BRMS1L: variants seen among roughly 807,000 people sequenced by gnomAD.
BRMS1L encodes BRMS1 like transcriptional repressor.
In BRMS1L, 23 loss-of-function variants were observed where a neutral mutation model predicts 50.3. That is an observed-to-expected ratio of 0.46 (90% CI 0.33 to 0.65). The LOEUF (loss-of-function observed/expected upper bound fraction) is 0.65. BRMS1L is among the 30% of genes least tolerant of loss of function. The pLI is 0.02. For missense variants in BRMS1L, 286 were observed against 386.1 expected (o/e 0.74, Z 2.17); for synonymous variants, 114 against 126.9 (o/e 0.90, Z 0.69).
At chr14:35,864,171 A>T (rs1489586042) in intron 6 of BRMS1L, among the ~76,000 whole-genome samples, 1 of 152,222 alleles carries the variant, frequency 6.6e-6, no homozygotes, top group Non-Finnish European at 1.5e-5. Context: ...CATGATCTCA[A>T]CTTTGAAAAT....
At chr14:35,844,776 C>A (rs549962976) in intron 4 of BRMS1L, among the ~76,000 whole-genome samples, 2 of 152,262 alleles carry the variant, frequency 1.3e-5, no homozygotes, top group African/African-American at 4.8e-5. Flanking sequence ...GACCCCATCA[C>A]TAAAAAAATT....
chr14:35,860,655 G>A (rs1394745330), intron 4 of BRMS1L, among the ~76,000 whole-genome samples: 3 of 152,072 alleles, frequency 2.0e-5, no homozygotes, highest in Non-Finnish European at 4.4e-5. Flanking sequence ...ATCTTCCAGG[G>A]CTCCAGTCCT....
In BRMS1L at chr14:35,865,707, T is replaced by A; in HGVS notation, c.688-15T>A. 1 of 1,569,512 alleles carries A rather than the reference T, an allele frequency of 6.4e-7. No individual in the cohort carries two copies. Among genetic ancestry groups the A allele is most frequent in the Non-Finnish European group, 8.6e-7 (1 of 1,166,866 alleles). On this transcript the variant is annotated splice_polypyrimidine_tract_variant and intron_variant, in intron 7 of 9. Transcript: ENST00000216807. Reference sequence around the variant, plus strand: ...CAGACTTCTTTCTTCCTCTTTTTTTTTTTTTTTAATTAAGGCAATGGCTAC... The same window carrying A: ...CAGACTTCTTTCTTCCTCTTTTTTTATTTTTTTAATTAAGGCAATGGCTAC...
intron 4 of BRMS1L, among the ~76,000 whole-genome samples, chr14:35,835,743 G>C (rs2077983491): frequency 1.3e-5 from 2 of 152,272 alleles, no homozygotes; most frequent in South Asian, 4.1e-4. Context: ...TACTCAGGAG[G>C]CTGAGGTGAG....
At chr14:35,844,371 G>A (rs374480964) in intron 4 of BRMS1L, among the ~76,000 whole-genome samples, 8 of 152,150 alleles carry the variant, frequency 5.3e-5, no homozygotes, top group East Asian at 1.9e-4. Context: ...TGGGGAAAGC[G>A]TAGTATCAGG....
chr14:35,828,216 A>C (rs1472569581), intron 1 of BRMS1L, among the ~76,000 whole-genome samples: 1 of 151,848 alleles, frequency 6.6e-6, no homozygotes, highest in African/African-American at 2.4e-5. Flanking sequence ...TCTGTTGCCC[A>C]GGCTGGAGTG....
At chr14:35,839,671 T>C (rs943763886) in intron 4 of BRMS1L, among the ~76,000 whole-genome samples, 10 of 152,046 alleles carry the variant, frequency 6.6e-5, no homozygotes, top group African/African-American at 1.7e-4. Flanking sequence ...GGGTCTCTGT[T>C]TGTCTATTAT....
At chr14:35,840,810 T>C (rs2078053465) in intron 4 of BRMS1L, among the ~76,000 whole-genome samples, 2 of 152,130 alleles carry the variant, frequency 1.3e-5, no homozygotes, top group African/African-American at 2.4e-5. Flanking sequence ...CCTGGATTCA[T>C]TGATTTTTTT....
intron 4 of BRMS1L, among the ~76,000 whole-genome samples, chr14:35,837,630 A>G (rs1462134384): frequency 6.6e-6 from 1 of 151,964 alleles, no homozygotes; most frequent in Admixed American, 6.6e-5. Context: ...GGCTCACTGC[A>G]TCCTCTGCCT....
chr14:35,866,448 G>A (rs927509394), intron 8 of BRMS1L, among the ~76,000 whole-genome samples: 3 of 152,192 alleles, frequency 2.0e-5, no homozygotes, highest in Non-Finnish European at 4.4e-5. Context: ...TGCCTAGCAT[G>A]ATCCCAGCAA....
At chr14:35,859,939 T>C (rs2078328414) in intron 4 of BRMS1L, among the ~76,000 whole-genome samples, 1 of 152,088 alleles carries the variant, frequency 6.6e-6, no homozygotes, top group Non-Finnish European at 1.5e-5. Context: ...GTGTGTGCCA[T>C]TGTGCCTGAC....
intron 2 of BRMS1L, among the ~76,000 whole-genome samples, chr14:35,831,748 G>T (rs986453757): frequency 5.3e-5 from 8 of 152,006 alleles, no homozygotes; most frequent in African/African-American, 1.9e-4. Context: ...CGGAAGACCT[G>T]GTCTCCATAA....
chr14:35,858,394 T>C (rs144715294), intron 4 of BRMS1L, among the ~76,000 whole-genome samples: 1 of 152,296 alleles, frequency 6.6e-6, no homozygotes, highest in Non-Finnish European at 1.5e-5. Context: ...CCTTCACCTC[T>C]CCTCTGCTAG....
intron 4 of BRMS1L, among the ~76,000 whole-genome samples, chr14:35,843,441 C>T (rs2078092140): frequency 2.0e-5 from 3 of 152,222 alleles, no homozygotes; most frequent in Admixed American, 1.3e-4. Flanking sequence ...TCAGGCCCCT[C>T]TGCTGCAGGT....
At chr14:35,862,058 T>TA (rs1294594508) in intron 4 of BRMS1L, among the ~76,000 whole-genome samples, 3 of 152,146 alleles carry the variant, frequency 2.0e-5, no homozygotes, top group Non-Finnish European at 2.9e-5. Context: ...TGGATATGAT[T>TA]AGTCTGTAAT....
chr14:35,832,298 A>G (rs1815341), intron 2 of BRMS1L, among the ~76,000 whole-genome samples: 31 of 150,480 alleles, frequency 2.1e-4, no homozygotes, highest in African/African-American at 6.6e-4. Flanking sequence ...TGGTCAGGAG[A>G]TCGAGACCAT....
intron 2 of BRMS1L, among the ~76,000 whole-genome samples, chr14:35,832,495 G>A (rs1287642559): frequency 7.0e-6 from 1 of 142,636 alleles, no homozygotes; most frequent in African/African-American, 2.7e-5. Context: ...GACGGAGCGA[G>A]ACTCCGTCTC....
intron 4 of BRMS1L, among the ~76,000 whole-genome samples, chr14:35,858,013 T>TA (rs776957122): frequency 0.029 from 3,325 of 115,922 alleles, 117 homozygotes; most frequent in African/African-American, 0.093. Context: ...TCAAGAAAAG[T>TA]AAAAAAAAAA....
At chr14:35,843,529 A>G (rs374890417) in intron 4 of BRMS1L, among the ~76,000 whole-genome samples, 2 of 152,272 alleles carry the variant, frequency 1.3e-5, no homozygotes, top group East Asian at 3.9e-4. Flanking sequence ...AACAGCAAAG[A>G]TTGCTGCCTG....
Sources: allele counts gnomAD v4.1 joint callset (sites outside exome capture counted in the v4.1 genomes callset), GRCh38; gene constraint gnomAD v4.1.1; transcripts MANE v1.5; gene names NCBI Gene and HGNC (gene_info 2026-07-23, HGNC 2026-07-21).